SEZ6L: variants seen among roughly 807,000 people sequenced by gnomAD.
SEZ6L encodes the protein seizure related 6 homolog like.
In SEZ6L, 37 loss-of-function variants were observed where a neutral mutation model predicts 106.2. That is an observed-to-expected ratio of 0.35 (90% confidence interval 0.27 to 0.46). The LOEUF is 0.46. Among genes scored for constraint, SEZ6L ranks in the 20% least tolerant of loss-of-function variants. The probability of loss-of-function intolerance (pLI) is 1.00; values close to 1 mark genes in which losing one functional copy is unlikely to be tolerated. For synonymous variants in SEZ6L, 541 were observed against 570.4 expected, an observed-to-expected ratio of 0.95 and a Z score of 0.73; for missense variants, 1,172 against 1,332.8, an observed-to-expected ratio of 0.88 and a Z score of 1.88.
chr22:26,329,228 G>T (rs1447693971), intron 9 of SEZ6L, among the ~76,000 whole-genome samples: 2 of 152,170 alleles, frequency 1.3e-5, no homozygotes, highest in Non-Finnish European at 2.9e-5. Context: ...AGCACTCTGG[G>T]AGGCCAAGGC....
intron 9 of SEZ6L, among the ~76,000 whole-genome samples, chr22:26,335,956 ACTCCCCTC>A (rs2082631595): frequency 6.6e-6 from 1 of 151,406 alleles, no homozygotes; most frequent in Admixed American, 6.6e-5. Context: ...CACAGTGACC[ACTCCCCTC>A]AAGGCAGTCC....
At chr22:26,233,736 A>T (rs1319598465) in intron 1 of SEZ6L, among the ~76,000 whole-genome samples, 1 of 152,188 alleles carries the variant, frequency 6.6e-6, no homozygotes, top group Non-Finnish European at 1.5e-5. Context: ...CCCACAAATA[A>T]GCAAGGTAAT....
In SEZ6L at chr22:26,224,682, T is replaced by C. The variant is rs368285337; in HGVS notation, c.94+54919T>C. Among the ~76,000 whole-genome samples, 3 of 152,270 alleles carry C rather than the reference T, an allele frequency of 2.0e-5. No homozygotes were observed. In the South Asian group the frequency reaches 6.2e-4, roughly 32 times the overall value. On this transcript the variant is annotated intron_variant, in intron 1 of 16. Coordinates refer to ENST00000248933, the MANE Select transcript of SEZ6L (RefSeq NM_021115.5). The stretch of plus-strand genomic sequence containing the variant: ...GTGGTGATGGAGAAGAGCATACAGA[T>C]ACAGGATATGTTTTAGAAGTCAAGC...
chr22:26,302,344 C>A (rs978946118), intron 5 of SEZ6L, among the ~76,000 whole-genome samples: 2 of 152,162 alleles, frequency 1.3e-5, no homozygotes, highest in South Asian at 2.1e-4. Flanking sequence ...TGGTTTGTAA[C>A]GCACTGTCCC....
intron 1 of SEZ6L, among the ~76,000 whole-genome samples, chr22:26,242,442 G>T (rs368438035): frequency 1.2e-4 from 19 of 152,180 alleles, no homozygotes; most frequent in African/African-American, 4.3e-4. Flanking sequence ...ATGATAGTAA[G>T]TCCAGCTCAA....
chr22:26,208,850 CTGTGTGTGTGTGTGTGTGTGTGTG>C (rs35483380), intron 1 of SEZ6L, among the ~76,000 whole-genome samples: 10 of 111,800 alleles, frequency 8.9e-5, no homozygotes, highest in Admixed American at 2.7e-4. Flanking sequence ...GACTCTCTCT[CTGTGTGTGTGTGTGTGTGTGTGTG>C]TGTGTGTGTG....
chr22:26,218,150 C>T (rs1428098451), intron 1 of SEZ6L, among the ~76,000 whole-genome samples: 2 of 152,224 alleles, frequency 1.3e-5, no homozygotes, highest in Non-Finnish European at 2.9e-5. Context: ...TGCTTTGTGT[C>T]AGGCCAGTGC....
chr22:26,310,894 G>C (rs1460383493), intron 7 of SEZ6L, 58 bp downstream of exon 7: 16 of 1,533,586 alleles, frequency 1.0e-5, no homozygotes, highest in African/African-American at 1.4e-5. Context: ...CCTGGGAGCA[G>C]GGAAAGCATG....
At position 26,292,748 on chromosome 22, in the gene SEZ6L, G is replaced by C; in HGVS notation, c.437G>C (p.Gly146Ala). 1 of 1,614,052 alleles carries C rather than the reference G, an allele frequency of 6.2e-7. No homozygotes were observed. Among genetic ancestry groups the C allele is most frequent in the Non-Finnish European group, 8.5e-7 (1 of 1,179,990 alleles). The change falls in exon 2 of 17, where the codon GGG becomes GCG. Residue 146 changes from glycine (G) to alanine (A), a missense_variant. Coordinates refer to ENST00000248933, the MANE Select transcript of SEZ6L (RefSeq NM_021115.5). The stretch of plus-strand genomic sequence containing the variant: ...TCCGCAGCCACTGTCCAAAGGGCAG[G>C]GTCCCAGCCAGCGTCCCAGGGCCTA... ...ATSAATVQRA[G>A]SQPASQGLDL...
intron 1 of SEZ6L, among the ~76,000 whole-genome samples, chr22:26,287,360 C>T (rs563790529): frequency 3.3e-5 from 5 of 152,160 alleles, no homozygotes; most frequent in South Asian, 2.1e-4. Flanking sequence ...TCTCTTGTGT[C>T]GGGTGTCAAC....
intron 1 of SEZ6L, among the ~76,000 whole-genome samples, chr22:26,277,982 C>A (rs1303839237): frequency 6.6e-6 from 1 of 152,186 alleles, no homozygotes; most frequent in Admixed American, 6.5e-5. Flanking sequence ...TGCTGGGTAT[C>A]TTAGAAGAGA....
intron 9 of SEZ6L, among the ~76,000 whole-genome samples, chr22:26,328,678 C>T (rs1360216219): frequency 6.6e-6 from 1 of 152,156 alleles, no homozygotes; most frequent in Admixed American, 6.5e-5. Context: ...TTGAGCTGCC[C>T]GTGGGGCAGG....
intron 10 of SEZ6L, among the ~76,000 whole-genome samples, chr22:26,345,463 C>T (rs1234730112): frequency 1.3e-5 from 2 of 152,032 alleles, no homozygotes; most frequent in Admixed American, 1.3e-4. Flanking sequence ...CAAGGCAGAC[C>T]ACATTTCTGG....
chr22:26,193,668 A>G (rs1281499986), intron 1 of SEZ6L, among the ~76,000 whole-genome samples: 1 of 152,110 alleles, frequency 6.6e-6, no homozygotes, highest in African/African-American at 2.4e-5. Flanking sequence ...TTTTGTTACA[A>G]TTTTGAAAAG....
intron 1 of SEZ6L, among the ~76,000 whole-genome samples, chr22:26,211,920 C>A (rs924824558): frequency 1.3e-5 from 2 of 151,208 alleles, no homozygotes; most frequent in Non-Finnish European, 2.9e-5. Flanking sequence ...AATTCATGCC[C>A]ACCCAAAATA....
intron 1 of SEZ6L, among the ~76,000 whole-genome samples, chr22:26,217,809 G>A (rs1196625732): frequency 3.3e-5 from 5 of 152,210 alleles, no homozygotes; most frequent in Admixed American, 1.3e-4. Context: ...CCTGCCATAC[G>A]GCATTTTCTA....
At chr22:26,246,039 T>C (rs971963083) in intron 1 of SEZ6L, among the ~76,000 whole-genome samples, 6 of 152,224 alleles carry the variant, frequency 3.9e-5, no homozygotes, top group Non-Finnish European at 1.5e-5. Flanking sequence ...TTTATAAAAA[T>C]GAAATGCTGT....
In SEZ6L at chr22:26,365,438, G is replaced by T; in HGVS notation, c.2666G>T (p.Arg889Leu). The T allele has an allele frequency of 6.2e-7, 1 of 1,614,070 alleles. No homozygotes were observed. The highest frequency in any genetic ancestry group is 1.1e-5 in the South Asian group (1 of 91,064). ...AATGGATACCAAATCCTGTACAAGCGACTCTACCTGCCAGGAGAGTCCCTC... is the reference window on the plus strand; with the variant it reads ...AATGGATACCAAATCCTGTACAAGCTACTCTACCTGCCAGGAGAGTCCCTC... ...PENGYQILYKRLYLPGESLTF... is the reference protein window; with the variant it reads ...PENGYQILYKLLYLPGESLTF... Residue 889 changes from arginine to leucine, a missense_variant, in exon 13 of 17, where the codon CGA becomes CTA. Physicochemically the swap from Arg to Leu is moderately radical, Grantham distance 102. Around this residue, in one of 4 missense-constraint regions of SEZ6L, gnomAD observed 141 missense variants for 176.0 expected, o/e 0.80. Transcript: ENST00000248933.
intron 1 of SEZ6L, among the ~76,000 whole-genome samples, chr22:26,210,608 C>A (rs780276970): frequency 6.6e-6 from 1 of 152,054 alleles, no homozygotes; most frequent in East Asian, 1.9e-4. Flanking sequence ...AGAGTGAGTG[C>A]GCGGACATTC....
Sources: allele counts gnomAD v4.1 joint callset (sites outside exome capture counted in the v4.1 genomes callset), GRCh38; gene constraint gnomAD v4.1.1; regional missense constraint gnomAD v4.1.1; transcripts MANE v1.5; gene names NCBI Gene and HGNC (gene_info 2026-07-23, HGNC 2026-07-21).